ALK: variants seen among roughly 807,000 people sequenced by gnomAD.
ALK encodes the protein ALK receptor tyrosine kinase.
In ALK, 74 loss-of-function variants were observed where a neutral mutation model predicts 163.1. The ratio of observed to expected loss-of-function variants is 0.45; its 90% confidence interval spans 0.38 to 0.55. The LOEUF is 0.55. Among genes scored for constraint, ALK ranks in the 20% least tolerant of loss-of-function variants. The probability of loss-of-function intolerance (pLI) is 0.00; values close to 1 mark genes in which losing one functional copy is unlikely to be tolerated. For missense variants in ALK, 2,063 were observed against 2,105.3 expected, an observed-to-expected ratio of 0.98 and a Z score of 0.39; for synonymous variants, 960 against 843.2, an observed-to-expected ratio of 1.14 and a Z score of -2.40.
At chr2:29,494,872 GTGTGCA>G (rs1420175324) in intron 4 of ALK, among the ~76,000 whole-genome samples, 1 of 151,642 alleles carries the variant, frequency 6.6e-6, no homozygotes, top group Non-Finnish European at 1.5e-5. Context: ...GTGTGTGTGT[GTGTGCA>G]TGCATGTGTA....
At chr2:29,746,239 C>A (rs1680205818) in intron 1 of ALK, among the ~76,000 whole-genome samples, 1 of 152,156 alleles carries the variant, frequency 6.6e-6, no homozygotes, top group Admixed American at 6.5e-5. Flanking sequence ...ATACTGCCAA[C>A]TATGGGTTTC....
intron 5 of ALK, among the ~76,000 whole-genome samples, chr2:29,361,878 A>T (rs1270806341): frequency 6.6e-6 from 1 of 152,146 alleles, no homozygotes; most frequent in Non-Finnish European, 1.5e-5. Context: ...GAAAGCTGTC[A>T]CCATTCCTTC....
chr2:29,740,946 G>A (rs1301857179), intron 1 of ALK, among the ~76,000 whole-genome samples: 1 of 152,148 alleles, frequency 6.6e-6, no homozygotes, highest in Non-Finnish European at 1.5e-5. Context: ...AGGTTGCAGT[G>A]AGCAGTGATC....
chr2:29,413,335 A>G (rs1189367525), intron 4 of ALK, among the ~76,000 whole-genome samples: 1 of 152,102 alleles, frequency 6.6e-6, no homozygotes, highest in African/African-American at 2.4e-5. Flanking sequence ...ATAGTATAGT[A>G]AACACATACT....
intron 1 of ALK, among the ~76,000 whole-genome samples, chr2:29,823,795 C>T (rs972663269): frequency 1.3e-5 from 2 of 152,162 alleles, no homozygotes; most frequent in African/African-American, 4.8e-5. Context: ...AAATTTGCAG[C>T]CTGACAATGT....
intron 1 of ALK, among the ~76,000 whole-genome samples, chr2:29,755,851 G>C (rs182623434): frequency 9.2e-5 from 14 of 152,224 alleles, no homozygotes; most frequent in Admixed American, 2.0e-4. Context: ...CACCTGTGCC[G>C]CATCACCCAT....
Position 29,408,475 on chromosome 2 carries a change from G to A in ALK, c.1155-24616C>T, listed in dbSNP as rs147567126. Reference sequence around the variant, plus strand: ...ACAAGCCCGATGGAGCTCAGGATAGGAGCCAGTGGGCAGGGAGCACATGAC... The same window carrying A: ...ACAAGCCCGATGGAGCTCAGGATAGAAGCCAGTGGGCAGGGAGCACATGAC... On this transcript the variant is annotated intron_variant, in intron 4 of 28. Transcript: ENST00000389048. Among the ~76,000 whole-genome samples, 722 of 152,282 alleles carry A rather than the reference G, an allele frequency of 4.7e-3. 2 individuals are homozygous for A. Among genetic ancestry groups the A allele is most frequent in the African/African-American group, 0.016 (669 of 41,544 alleles).
chr2:29,749,287 G>T lies in ALK; in HGVS notation c.668-31590C>A, dbSNP rs182816046. The stretch of plus-strand genomic sequence containing the variant: ...CTAACATTGGTGGTTTGGAGGTCAT[G>T]CTCTGAGAACCTGTGATATAGATGA... On this transcript the variant is annotated intron_variant, in intron 1 of 28. Transcript: ENST00000389048. 4.1e-4 allele frequency among the ~76,000 whole-genome samples: 63 copies of T among 152,284 alleles called. No homozygotes were observed. The East Asian group carries it at 7.3e-3, about 18-fold the overall frequency.
chr2:29,807,473 G>C (rs997346665), intron 1 of ALK, among the ~76,000 whole-genome samples: 1 of 152,232 alleles, frequency 6.6e-6, no homozygotes, highest in African/African-American at 2.4e-5. Context: ...CACATGCCAG[G>C]AGCTTTGGGC....
chr2:29,487,128 C>A (rs553368539), intron 4 of ALK, among the ~76,000 whole-genome samples: 1 of 152,094 alleles, frequency 6.6e-6, no homozygotes, highest in Non-Finnish European at 1.5e-5. Flanking sequence ...AATTAACAAG[C>A]GATACTCTAA....
At chr2:29,208,046 C>G (rs1251402670) in intron 25 of ALK, 1 of 453,556 alleles carries the variant, frequency 2.2e-6, no homozygotes, top group Non-Finnish European at 4.4e-6. Flanking sequence ...ATCAGGTACT[C>G]TGCCATGTGC....
At chr2:29,351,800 A>C (rs1668122127) in intron 5 of ALK, among the ~76,000 whole-genome samples, 1 of 136,068 alleles carries the variant, frequency 7.3e-6, no homozygotes, top group African/African-American at 2.7e-5. Flanking sequence ...ACTCCTAAGC[A>C]GAGTACCCTA....
At chr2:29,675,958 T>C (rs560114375) in intron 3 of ALK, among the ~76,000 whole-genome samples, 1 of 152,236 alleles carries the variant, frequency 6.6e-6, no homozygotes, top group South Asian at 2.1e-4. Context: ...ACTTCTGGCA[T>C]GAAGCAATCC....
rs555222742 is a variant in ALK at position 29,246,703 on chromosome 2, C to T, written c.2204+4402G>A. Among the ~76,000 whole-genome samples, 17 of 152,172 alleles carry T rather than the reference C, an allele frequency of 1.1e-4. No individual in the cohort carries two copies. Among genetic ancestry groups the T allele is most frequent in the Non-Finnish European group, 1.8e-4 (12 of 68,020 alleles). ...CTCAGTCCTCAACTTACGCTGATCC[C>T]ACCTCCTGAGCACCTCTGGGCCTGT... On this transcript the variant is annotated intron_variant, in intron 12 of 28. Transcript: ENST00000389048. This position sits in a 1 kb window ranked among gnomAD's most constrained non-coding sequence, Gnocchi z 4.3.
At chr2:29,255,099 C>T (rs918560398) in intron 11 of ALK, among the ~76,000 whole-genome samples, 1 of 152,198 alleles carries the variant, frequency 6.6e-6, no homozygotes, top group Non-Finnish European at 1.5e-5. Flanking sequence ...TGGTGGTCCT[C>T]GCTGCCTTGG....
chr2:29,410,639 T>C (rs1669704068), intron 4 of ALK, among the ~76,000 whole-genome samples: 1 of 152,248 alleles, frequency 6.6e-6, no homozygotes, highest in African/African-American at 2.4e-5. Context: ...TACTGAATAC[T>C]GTAGGCAAAG....
chr2:29,528,617 C>T (rs115143346), intron 4 of ALK, among the ~76,000 whole-genome samples: 1,576 of 152,180 alleles, frequency 0.01, 28 homozygotes, highest in African/African-American at 0.036. Context: ...TGGCACCTGC[C>T]ACACAAGAGG....
At chr2:29,368,171 T>C (rs1320825691) in intron 5 of ALK, among the ~76,000 whole-genome samples, 6 of 152,184 alleles carry the variant, frequency 3.9e-5, no homozygotes, top group Non-Finnish European at 8.8e-5. Context: ...ACCTGGGTAA[T>C]GGGAAGCCTT....
intron 1 of ALK, among the ~76,000 whole-genome samples, chr2:29,797,253 TG>T (rs556130959): frequency 1.0e-3 from 157 of 152,334 alleles, no homozygotes; most frequent in Middle Eastern, 3.4e-3. Context: ...CAGATAACTC[TG>T]TTTCTTGAGC....
Sources: gnomAD v4.1 joint callset for allele counts (sites outside exome capture counted in the v4.1 genomes callset) on GRCh38, gnomAD v4.1.1 for gene constraint, Gnocchi (gnomAD v3.1) non-coding constraint, MANE v1.5 for transcripts, NCBI Gene and HGNC (gene_info 2026-07-23, HGNC 2026-07-21) for gene names.